The following PSG11 variants were observed in gnomAD, a reference collection of about 807,000 sequenced individuals.
The protein encoded by PSG11 is pregnancy-specific beta-1-glycoprotein 11.
A neutral mutation model predicts 36.0 loss-of-function variants in PSG11; 42 were observed. The ratio of observed to expected loss-of-function variants is 1.17; its 90% CI spans 0.91 to 1.51. PSG11 has a LOEUF of 1.51. Ranked by LOEUF, PSG11 falls within the 40% of genes most tolerant of loss-of-function variation. The pLI, the probability that PSG11 is intolerant of heterozygous loss-of-function variation, is 0.00. For synonymous variants in PSG11, 206 were observed against 153.5 expected (o/e 1.34, Z -2.53); for missense variants, 558 against 403.5 (o/e 1.38, Z -3.28).
rs140463501 is a variant in PSG11 at position 43,026,340 on chromosome 19, C to T, written c.33G>A (p.Glu11=). MGPLSAPPCT[E]HIKWKGLLLT... is the part of the protein sequence containing the mutation. ...GCAGGAGCCCCTTCCATTTGATGTG[C>T]TCTGTGCAGGGAGGGGCTGAGAGGG... The change falls in exon 1 of 6, where the codon GAG becomes GAA. Residue 11 remains glutamate, a synonymous_variant. Coordinates refer to ENST00000320078, the MANE Select transcript of PSG11 (RefSeq NM_002785.3). 4,460 of 1,611,118 alleles carry T rather than the reference C, an allele frequency of 2.8e-3. 148 individuals carry two copies. The African/African-American group carries it at 0.044, about 16-fold the overall frequency.
chr19:43,010,890 C>CATATATATATATATAT (rs10566441), intron 4 of PSG11, among the ~76,000 whole-genome samples: 50 of 140,440 alleles, frequency 3.6e-4, no homozygotes, highest in African/African-American at 1.2e-3. Context: ...CCTCTTTTTC[C>CATATATATATATATAT]ATATATATAT....
rs925269468 is a variant in PSG11, at chr19:43,025,303, G to A, written c.65-247C>T. 6 of 688,744 alleles carry A rather than the reference G, an allele frequency of 8.7e-6. No individual in the cohort carries two copies. The Admixed American group carries it at 2.0e-4, about 23-fold the overall frequency. 42.7% of individuals were successfully genotyped at this position (688,744 alleles called of 1,614,324 possible). ...TGACCCCCATTCCTTCAACACTTCTGACCTTGGCATTTTTCTGTTTGGAAT... is the reference window on the plus strand; with the variant it reads ...TGACCCCCATTCCTTCAACACTTCTAACCTTGGCATTTTTCTGTTTGGAAT... On this transcript the variant is annotated intron_variant, in intron 1 of 5. Transcript: ENST00000320078.
At chr19:43,018,638 A>G in intron 3 of PSG11, 132 bp downstream of exon 3, 4 of 1,585,682 alleles carry the variant, frequency 2.5e-6, no homozygotes, top group Non-Finnish European at 3.5e-6. Context: ...TGGGGCAGAA[A>G]GTCATGGCCA....
At chr19:43,025,825 C>A (rs1216885504) in intron 1 of PSG11, among the ~76,000 whole-genome samples, 2 of 149,964 alleles carry the variant, frequency 1.3e-5, no homozygotes, top group African/African-American at 4.9e-5. Context: ...CTACCTCTTA[C>A]CAATTCCGGT....
chr19:43,018,204 G>A (rs1005294986), intron 3 of PSG11: 8 of 167,398 alleles, frequency 4.8e-5, no homozygotes, highest in South Asian at 1.6e-4. Flanking sequence ...ATATGTTTTA[G>A]TGATTTGGGG....
rs200058923 is a variant in PSG11, at chr19:43,015,064, T to C, written c.964+52A>G. Reference sequence around the variant, plus strand: ...GTTTTCCTGACTCTTCTCTGAAAGCTAGATAGACTCCACCTAAAACCCTAT... The same window carrying C: ...GTTTTCCTGACTCTTCTCTGAAAGCCAGATAGACTCCACCTAAAACCCTAT... On this transcript the variant is annotated intron_variant, in intron 4 of 5. Coordinates refer to ENST00000320078, the MANE Select transcript of PSG11 (RefSeq NM_002785.3). 3.4e-5 allele frequency: 54 copies of C among 1,610,344 alleles called. 1 individual carries two copies. The highest frequency in any genetic ancestry group is 1.1e-4 in the East Asian group (5 of 44,784).
rs1200551306 is a variant in PSG11, at chr19:43,010,304, G to C, written c.965-263C>G. Reference sequence around the variant, plus strand: ...AAGGCTTTCAGACGTGAGAAAGGCTGATTGCTATTTTCTATGTCATTGGAA... The same window carrying C: ...AAGGCTTTCAGACGTGAGAAAGGCTCATTGCTATTTTCTATGTCATTGGAA... On this transcript the variant is annotated intron_variant, in intron 4 of 5. Coordinates refer to ENST00000320078, the MANE Select transcript of PSG11 (RefSeq NM_002785.3). 5 of 1,496,710 alleles carry C rather than the reference G, an allele frequency of 3.3e-6. No individual in the cohort carries two copies. In the African/African-American group the frequency reaches 4.3e-5, roughly 13 times the overall value. The allele number at this position is 1,496,710 out of a possible 1,614,324, so 92.7% of individuals were successfully genotyped here. A position where few individuals can be genotyped will look rare whatever the true frequency, so the allele number is the denominator to read the frequency against.
At chr19:43,011,566 A>G (rs1445392251) in intron 4 of PSG11, among the ~76,000 whole-genome samples, 1 of 151,396 alleles carries the variant, frequency 6.6e-6, no homozygotes, top group Non-Finnish European at 1.5e-5. Context: ...AGAAAAAAAG[A>G]GAAAAGTTTA....
At chr19:43,013,844 A>C (rs914383332) in intron 4 of PSG11, among the ~76,000 whole-genome samples, 1 of 151,532 alleles carries the variant, frequency 6.6e-6, no homozygotes. Context: ...CATTACTCAC[A>C]CTAGCCAAAA....
intron 2 of PSG11, among the ~76,000 whole-genome samples, chr19:43,019,987 A>G (rs977958882): frequency 9.9e-5 from 15 of 151,370 alleles, no homozygotes; most frequent in African/African-American, 3.4e-4. Flanking sequence ...ACTTTCTCTC[A>G]TTAGACATTC....
At chr19:43,023,860 T>C (rs1232578123) in intron 2 of PSG11, among the ~76,000 whole-genome samples, 9 of 151,426 alleles carry the variant, frequency 5.9e-5, no homozygotes, top group Non-Finnish European at 1.3e-4. Flanking sequence ...TTATTCACAG[T>C]CACCTGACCT....
At chr19:43,016,865 T>A (rs1005076830) in intron 3 of PSG11, among the ~76,000 whole-genome samples, 17 of 151,550 alleles carry the variant, frequency 1.1e-4, no homozygotes, top group East Asian at 3.9e-4. Context: ...CATTTGCAAA[T>A]GCAGAACTGA....
At chr19:43,015,588 C>T (rs1338525031) in intron 3 of PSG11, among the ~76,000 whole-genome samples, 2 of 151,352 alleles carry the variant, frequency 1.3e-5, no homozygotes, top group East Asian at 3.9e-4. Flanking sequence ...CATCCCCTCT[C>T]CTTATATTCT....
intron 3 of PSG11, chr19:43,015,656 A>C: frequency 6.5e-7 from 1 of 1,532,340 alleles, no homozygotes; most frequent in Non-Finnish European, 8.8e-7. Flanking sequence ...GCCACCTCGG[A>C]TGTCCAAAAG....
At chr19:43,008,267 C>T (rs1348699395) in intron 5 of PSG11, among the ~76,000 whole-genome samples, 2 of 151,148 alleles carry the variant, frequency 1.3e-5, no homozygotes, top group Non-Finnish European at 1.5e-5. Flanking sequence ...ATTTTTAGAA[C>T]ACTCATTTTT....
Position 43,026,321 on chromosome 19 carries a change from G to C in PSG11, c.52C>G (p.Leu18Val), listed in dbSNP as rs74644375. 0.045 allele frequency: 72,196 copies of C among 1,608,746 alleles called. 5,429 individuals are homozygous for C. Among genetic ancestry groups the C allele is most frequent in the East Asian group, 0.34 (15,102 of 44,530 alleles). ...GTTCTCTCCTCACCTGTGAGCAGGA[G>C]CCCCTTCCATTTGATGTGCTCTGTG... ...PCTEHIKWKG[L>V]LLTALLLNFW... Residue 18 changes from leucine to valine, a missense_variant, in exon 1 of 6, where the codon CTC becomes GTC. Leu to Val is a conservative substitution (Grantham distance 32, BLOSUM62 1). Transcript: ENST00000320078.
intron 2 of PSG11, among the ~76,000 whole-genome samples, chr19:43,024,076 T>A (rs1170888679): frequency 6.6e-6 from 1 of 151,444 alleles, no homozygotes; most frequent in Admixed American, 6.6e-5. Flanking sequence ...ACAAAGCTTG[T>A]CTTTCTGTCC....
chr19:43,008,850 C>A (rs1230941790), intron 5 of PSG11, among the ~76,000 whole-genome samples: 1 of 151,074 alleles, frequency 6.6e-6, no homozygotes, highest in Non-Finnish European at 1.5e-5. Flanking sequence ...TTAAGTTCTA[C>A]CTATTGCAAC....
At chr19:43,018,742 G>C in intron 3 of PSG11, 28 bp downstream of exon 3, 1 of 1,612,120 alleles carries the variant, frequency 6.2e-7, no homozygotes, top group South Asian at 1.1e-5. Context: ...ATGGCAGCCT[G>C]GCTCACAGAG....
Sources: gnomAD v4.1 joint callset for allele counts (sites outside exome capture counted in the v4.1 genomes callset) on GRCh38, gnomAD v4.1.1 for gene constraint, MANE v1.5 for transcripts, NCBI Gene and HGNC (gene_info 2026-07-23, HGNC 2026-07-21) for gene names.